CCSER2: variants seen among roughly 807,000 people sequenced by gnomAD.
CCSER2 encodes the protein serine-rich coiled-coil domain-containing protein 2.
Under a neutral mutation model 92.3 loss-of-function variants are expected in CCSER2, and 46 were observed. The ratio of observed to expected loss-of-function variants is 0.50; its 90% CI spans 0.39 to 0.64. The LOEUF (loss-of-function observed/expected upper bound fraction) is 0.64, where lower values mean the gene tolerates loss of function less well. CCSER2 is among the 30% of genes least tolerant of loss of function. CCSER2 has a pLI of 0.00. For missense variants in CCSER2, 1,244 were observed against 1,238.9 expected, an observed-to-expected ratio of 1.00 and a Z score of -0.06; for synonymous variants, 433 against 431.4, an observed-to-expected ratio of 1.00 and a Z score of -0.04.
chr10:84,486,576 T>G (rs1847822193), intron 9 of CCSER2, among the ~76,000 whole-genome samples: 1 of 152,236 alleles, frequency 6.6e-6, no homozygotes, highest in Admixed American at 6.5e-5. Context: ...CTTTGCCCAC[T>G]TGTTGATGGG....
intron 3 of CCSER2, among the ~76,000 whole-genome samples, chr10:84,374,471 G>T (rs1242047513): frequency 6.6e-6 from 1 of 152,152 alleles, no homozygotes; most frequent in Non-Finnish European, 1.5e-5. Context: ...CTATGGCAGA[G>T]GAAGAGAGTG....
chr10:84,412,601 A>G (rs1260043513), intron 3 of CCSER2, among the ~76,000 whole-genome samples: 2 of 152,164 alleles, frequency 1.3e-5, no homozygotes, highest in Non-Finnish European at 2.9e-5. Flanking sequence ...GAATGAGAAA[A>G]AGACAGTTTG....
At chr10:84,428,922 T>C (rs112153926) in intron 5 of CCSER2, among the ~76,000 whole-genome samples, 81 of 151,426 alleles carry the variant, frequency 5.3e-4, no homozygotes, top group African/African-American at 1.9e-3. Context: ...GCGTGTTGTG[T>C]TGGTATGTTG....
chr10:84,345,902 A>C (rs1487615407), intron 1 of CCSER2, among the ~76,000 whole-genome samples: 1 of 152,146 alleles, frequency 6.6e-6, no homozygotes, highest in Admixed American at 6.5e-5. Flanking sequence ...CAACCCCTAG[A>C]AGTTATGTCT....
At chr10:84,452,163 T>A (rs756689013) in intron 6 of CCSER2, 4 of 152,234 alleles carry the variant, frequency 2.6e-5, no homozygotes, top group Non-Finnish European at 5.9e-5. Flanking sequence ...TTTGTTGACA[T>A]CACTGATGAT....
intron 3 of CCSER2, chr10:84,391,280 C>T: frequency 1.4e-6 from 2 of 1,461,404 alleles, no homozygotes; most frequent in Non-Finnish European, 1.9e-6. Flanking sequence ...ATATGAAGCT[C>T]CAGATAAAGA....
At chr10:84,348,992 G>A (rs1844711133) in intron 1 of CCSER2, among the ~76,000 whole-genome samples, 1 of 151,900 alleles carries the variant, frequency 6.6e-6, no homozygotes, top group South Asian at 2.1e-4. Flanking sequence ...AAATTGTACA[G>A]TATGGACTTC....
chr10:84,414,625 C>T (rs1340036424), intron 3 of CCSER2, among the ~76,000 whole-genome samples: 1 of 150,554 alleles, frequency 6.6e-6, no homozygotes, highest in South Asian at 2.1e-4. Flanking sequence ...GTTTATGTGT[C>T]TTGGGGTTGA....
At chr10:84,457,251 T>C (rs1564684175) in intron 6 of CCSER2, among the ~76,000 whole-genome samples, 1 of 68,644 alleles carries the variant, frequency 1.5e-5, no homozygotes, top group Non-Finnish European at 2.5e-5. Context: ...ATATTATATA[T>C]TATATAAAAT....
intron 7 of CCSER2, among the ~76,000 whole-genome samples, chr10:84,468,623 C>T (rs1259826699): frequency 6.6e-6 from 1 of 152,222 alleles, no homozygotes; most frequent in Non-Finnish European, 1.5e-5. Flanking sequence ...TCCTGTGTAA[C>T]ACAGTCCGAA....
chr10:84,371,610 A>G lies in CCSER2; in HGVS notation c.558A>G (p.Gln186=), dbSNP rs964812035. 1.9e-6 allele frequency: 3 copies of G among 1,613,716 alleles called. No homozygotes were observed. The highest frequency in any genetic ancestry group is 1.1e-5 in the South Asian group (1 of 91,026). Residue 186 remains glutamine, a synonymous_variant, in exon 2 of 10, where the codon CAA becomes CAG. Coordinates refer to ENST00000372088, the MANE Select transcript of CCSER2 (RefSeq NM_001284240.2). ...FYGNRSAGSM[Q]RPRANSCATR... Reference sequence around the variant, plus strand: ...GAAACCGATCAGCTGGTAGCATGCAAAGGCCTAGAGCGAACTCCTGTGCCA... The same window carrying G: ...GAAACCGATCAGCTGGTAGCATGCAGAGGCCTAGAGCGAACTCCTGTGCCA...
chr10:84,358,077 C>T (rs768149779), intron 1 of CCSER2, among the ~76,000 whole-genome samples: 2 of 152,174 alleles, frequency 1.3e-5, no homozygotes, highest in Non-Finnish European at 2.9e-5. Flanking sequence ...CTGTTTTCCC[C>T]TGCCTACAGT....
intron 6 of CCSER2, among the ~76,000 whole-genome samples, chr10:84,448,667 A>T (rs76162171): frequency 0.015 from 2,346 of 152,326 alleles, 72 homozygotes; most frequent in African/African-American, 0.052. Flanking sequence ...CAATTGTGTA[A>T]TTACCACCAC....
intron 8 of CCSER2, among the ~76,000 whole-genome samples, chr10:84,473,808 T>G (rs1374655032): frequency 6.6e-6 from 1 of 152,194 alleles, no homozygotes; most frequent in African/African-American, 2.4e-5. Context: ...ACTGACAGTT[T>G]CCATCACCTC....
intron 3 of CCSER2, among the ~76,000 whole-genome samples, chr10:84,400,915 A>G (rs1842085477): frequency 6.6e-6 from 1 of 151,946 alleles, no homozygotes; most frequent in Non-Finnish European, 1.5e-5. Flanking sequence ...CTCCATCTCT[A>G]AATAAATAAA....
intron 3 of CCSER2, chr10:84,392,031 A>G: frequency 7.9e-7 from 1 of 1,263,014 alleles, no homozygotes; most frequent in Non-Finnish European, 1.2e-6. Context: ...AGCGTCTTGC[A>G]GCTGTTTATG....
At position 84,438,574 on chromosome 10, in the gene CCSER2, T is replaced by C; in HGVS notation, c.1931T>C (p.Phe644Ser). The change falls in exon 6 of 10, where the codon TTC becomes TCC. Residue 644 changes from phenylalanine (F) to serine (S), a missense_variant. Transcript: ENST00000372088. ...GAAAGCTATGGAGGGATGCCCTTTT[T>C]CCAGGCTCAGAAGATGTTTGTTGAT... ...HFESYGGMPF[F>S]QAQKMFVDVP... The C allele has an allele frequency of 6.2e-7, 1 of 1,613,794 alleles. No individual in the cohort carries two copies. The highest frequency in any genetic ancestry group is 8.5e-7 in the Non-Finnish European group (1 of 1,179,738).
chr10:84,483,936 C>T (rs1347775621), intron 9 of CCSER2, among the ~76,000 whole-genome samples: 1 of 136,056 alleles, frequency 7.3e-6, no homozygotes, highest in East Asian at 2.1e-4. Context: ...AGGTGCATCC[C>T]ACCACACCCG....
chr10:84,483,105 A>G (rs914123606), intron 9 of CCSER2, among the ~76,000 whole-genome samples: 27 of 96,892 alleles, frequency 2.8e-4, no homozygotes, highest in Middle Eastern at 0.01. Flanking sequence ...AGCATTGTCA[A>G]CCACCCTTTT....
Sources: allele counts gnomAD v4.1 joint callset (sites outside exome capture counted in the v4.1 genomes callset), GRCh38; gene constraint gnomAD v4.1.1; transcripts MANE v1.5; gene names NCBI Gene and HGNC (gene_info 2026-07-23, HGNC 2026-07-21).